The following EFHC2 variants were observed in gnomAD, a reference collection of about 807,000 sequenced individuals.
EFHC2 encodes EF-hand domain-containing family member C2.
EFHC2 carries 18 observed loss-of-function variants against 52.7 expected under a neutral mutation model. The ratio of observed to expected loss-of-function variants is 0.34; its 90% CI spans 0.24 to 0.51. EFHC2 has a LOEUF of 0.51. Among genes scored for constraint, EFHC2 ranks in the 20% least tolerant of loss-of-function variants. EFHC2 has a pLI of 0.97. For missense variants in EFHC2, 513 were observed against 562.5 expected (o/e 0.91, Z 0.89); for synonymous variants, 203 against 204.1 (o/e 0.99, Z 0.04).
intron 14 of EFHC2, among the ~76,000 whole-genome samples, chrX:44,162,943 A>G (rs1242614492): frequency 8.9e-6 from 1 of 112,055 alleles, no homozygotes; most frequent in Non-Finnish European, 1.9e-5. Flanking sequence ...GAACCTGATG[A>G]GAGTCAATAC....
chrX:44,306,623 C>T (rs865948311), intron 2 of EFHC2, among the ~76,000 whole-genome samples: 17 of 111,929 alleles, frequency 1.5e-4, no homozygotes, highest in Middle Eastern at 8.4e-3. Context: ...AGGGGCCATG[C>T]GGGATAACAA....
At chrX:44,195,574 C>T (rs2036959058) in intron 11 of EFHC2, among the ~76,000 whole-genome samples, 1 of 112,135 alleles carries the variant, frequency 8.9e-6, no homozygotes. Flanking sequence ...CACCCCAGTG[C>T]TATGAGGCAG....
chrX:44,166,650 T>C (rs1170676951), intron 13 of EFHC2, among the ~76,000 whole-genome samples: 1 of 111,784 alleles, frequency 8.9e-6, no homozygotes, highest in African/African-American at 3.3e-5. Context: ...GTACAGAATT[T>C]GTCAGTAAAT....
chrX:44,224,932 T>C (rs867292064), intron 11 of EFHC2, among the ~76,000 whole-genome samples: 29 of 108,417 alleles, frequency 2.7e-4, no homozygotes, highest in African/African-American at 9.9e-4. Flanking sequence ...CTGCTGCTGC[T>C]GCCTGTGGTT....
At chrX:44,340,552 G>T (rs189825179) in intron 1 of EFHC2, among the ~76,000 whole-genome samples, 1 of 111,137 alleles carries the variant, frequency 9.0e-6, no homozygotes, top group Non-Finnish European at 1.9e-5. Flanking sequence ...CCAGCTACTC[G>T]GGAGGCTGAG....
At chrX:44,304,501 A>G (rs952940646) in intron 2 of EFHC2, among the ~76,000 whole-genome samples, 14 of 111,636 alleles carry the variant, frequency 1.3e-4, no homozygotes, top group Non-Finnish European at 2.4e-4. Context: ...TATGATGAGG[A>G]CAACCGTCTA....
intron 11 of EFHC2, among the ~76,000 whole-genome samples, chrX:44,227,668 T>C (rs373682675): frequency 1.8e-5 from 2 of 111,637 alleles, no homozygotes; most frequent in South Asian, 3.8e-4. Flanking sequence ...TACACATAGA[T>C]ACCCCACCCC....
Position 44,148,733 on chromosome X carries a change from C to T in EFHC2, c.*62G>A. On this transcript the variant is annotated 3_prime_UTR_variant, in exon 15 of 15. Coordinates refer to ENST00000420999, the MANE Select transcript of EFHC2 (RefSeq NM_025184.4). ...TTTGTTTTTAATGAAATTATATCTA[C>T]TAAAGTAAATGTGGCAAAATGAGAG... 2.4e-5 allele frequency: 23 copies of T among 943,930 alleles called. No individual in the cohort carries two copies. Among genetic ancestry groups the T allele is most frequent in the Non-Finnish European group, 3.0e-5 (21 of 688,939 alleles). The allele number at this position is 943,930 out of a possible 1,213,427, so 77.8% of individuals were successfully genotyped here.
chrX:44,150,568 T>C (rs966497289), intron 14 of EFHC2, among the ~76,000 whole-genome samples: 4 of 111,572 alleles, frequency 3.6e-5, no homozygotes, highest in African/African-American at 1.3e-4. Context: ...AGAAACTGAT[T>C]AGCTAACTTG....
chrX:44,158,041 C>G (rs890663777), intron 14 of EFHC2, among the ~76,000 whole-genome samples: 3 of 111,077 alleles, frequency 2.7e-5, no homozygotes, highest in Non-Finnish European at 3.8e-5. Context: ...CCAGACCACA[C>G]CCCTACTCAG....
chrX:44,209,031 G>A (rs1378339919), intron 11 of EFHC2, among the ~76,000 whole-genome samples: 1 of 24,861 alleles, frequency 4.0e-5, no homozygotes, highest in Non-Finnish European at 6.5e-5. Context: ...GTGTGTGTGT[G>A]TGTGTGTGTG....
At chrX:44,286,688 T>C (rs1384057745) in intron 2 of EFHC2, among the ~76,000 whole-genome samples, 1 of 111,221 alleles carries the variant, frequency 9.0e-6, no homozygotes, top group African/African-American at 3.3e-5. Flanking sequence ...TTGTGTATTA[T>C]ATTTGTATAT....
intron 1 of EFHC2, among the ~76,000 whole-genome samples, chrX:44,337,363 C>T (rs758244773): frequency 6.3e-5 from 7 of 111,073 alleles, no homozygotes; most frequent in African/African-American, 2.0e-4. Context: ...CAATAGCACC[C>T]TCTATAATAG....
chrX:44,222,269 A>T (rs1470017988), intron 11 of EFHC2, among the ~76,000 whole-genome samples: 6 of 111,479 alleles, frequency 5.4e-5, no homozygotes, highest in African/African-American at 2.0e-4. Context: ...GTAGAAACTG[A>T]GAAGAAATGC....
chrX:44,309,527 T>G (rs1185199920), intron 2 of EFHC2: 4 of 1,203,965 alleles, frequency 3.3e-6, no homozygotes, highest in East Asian at 3.0e-5. Context: ...TTCATTAGAG[T>G]GCAATTCATC....
intron 14 of EFHC2, among the ~76,000 whole-genome samples, chrX:44,153,793 C>T (rs1011158106): frequency 1.8e-5 from 2 of 112,253 alleles, no homozygotes; most frequent in African/African-American, 3.2e-5. Flanking sequence ...AATTGTACTT[C>T]CTAATAAATC....
chrX:44,304,224 G>T (rs753633990), intron 2 of EFHC2, among the ~76,000 whole-genome samples: 15 of 112,230 alleles, frequency 1.3e-4, no homozygotes, highest in African/African-American at 4.5e-4. Context: ...TAGATCCAGG[G>T]TCTGGGCTCA....
intron 2 of EFHC2, chrX:44,309,492 G>A: frequency 8.3e-7 from 1 of 1,205,960 alleles, no homozygotes; most frequent in East Asian, 3.0e-5. Context: ...GCATAAGTCT[G>A]TCTGCCACAA....
intron 11 of EFHC2, among the ~76,000 whole-genome samples, chrX:44,223,872 A>AG (rs1233145569): frequency 1.8e-5 from 2 of 111,694 alleles, no homozygotes; most frequent in Non-Finnish European, 3.8e-5. Flanking sequence ...AAGATGCTAG[A>AG]TTGCTTACAA....
Sources: allele counts gnomAD v4.1 joint callset (sites outside exome capture counted in the v4.1 genomes callset), GRCh38; gene constraint gnomAD v4.1.1; transcripts MANE v1.5; gene names NCBI Gene and HGNC (gene_info 2026-07-23, HGNC 2026-07-21).